Variants in NR2C2 observed in about 807,000 individuals in gnomAD.
NR2C2 encodes nuclear receptor subfamily 2 group C member 2.
NR2C2 carries 6 observed loss-of-function variants against 62.9 expected under a neutral mutation model. That is an observed-to-expected ratio of 0.10 (90% CI 0.05 to 0.19). The LOEUF (loss-of-function observed/expected upper bound fraction) is 0.19. Ranked by LOEUF, NR2C2 falls within the 10% of genes least tolerant of loss-of-function variation. The pLI is 1.00. For missense variants in NR2C2, 479 were observed against 762.7 expected, an observed-to-expected ratio of 0.63 and a Z score of 4.38; for synonymous variants, 272 against 273.8, an observed-to-expected ratio of 0.99 and a Z score of 0.07.
In NR2C2 at chr3:15,024,807, G is replaced by A. The variant is rs145958964; in HGVS notation, c.798+599G>A. On this transcript the variant is annotated intron_variant, in intron 7 of 13. Coordinates refer to ENST00000425241, the MANE Select transcript of NR2C2 (RefSeq NM_001291694.2). The stretch of plus-strand genomic sequence containing the variant: ...CTGATGTAAACCAAGTAATGAGGAA[G>A]TAGTAGCAGCAAGCCACAACTCTAA... Among the ~76,000 whole-genome samples, 55 of 152,352 alleles carry A rather than the reference G, an allele frequency of 3.6e-4. No individual in the cohort carries two copies. In the East Asian group the frequency reaches 7.3e-3, roughly 20 times the overall value.
intron 1 of NR2C2, among the ~76,000 whole-genome samples, chr3:14,989,037 T>C (rs940219195): frequency 2.0e-5 from 3 of 152,208 alleles, no homozygotes; most frequent in Non-Finnish European, 4.4e-5. Flanking sequence ...TTTTTGCTGA[T>C]TGGTCAGCAT....
At chr3:14,968,325 GACATGAACAGACACTTCTCAA>G (rs2039925767) in intron 1 of NR2C2, among the ~76,000 whole-genome samples, 1 of 152,088 alleles carries the variant, frequency 6.6e-6, no homozygotes, top group Non-Finnish European at 1.5e-5. Flanking sequence ...GTGGGCAAAG[GACATGAACAGACACTTCTCAA>G]AAGAAGACAT....
intron 1 of NR2C2, among the ~76,000 whole-genome samples, chr3:14,975,349 GGTTTTCATATGTGACCTTTATTAT>G (rs2040173535): frequency 1.3e-5 from 2 of 152,158 alleles, no homozygotes; most frequent in South Asian, 2.1e-4. Flanking sequence ...TGAAACAGGT[GGTTTTCATATGTGACCTTTATTAT>G]GTTGAGGTAA....
intron 1 of NR2C2, among the ~76,000 whole-genome samples, chr3:15,000,815 T>TA (rs1491248456): frequency 1.8e-5 from 1 of 56,848 alleles, no homozygotes; most frequent in African/African-American, 7.3e-5. Flanking sequence ...TTTATTTAGG[T>TA]TTTTTTTTTT....
intron 1 of NR2C2, among the ~76,000 whole-genome samples, chr3:14,971,314 C>T (rs1368720238): frequency 6.6e-6 from 1 of 151,504 alleles, no homozygotes; most frequent in East Asian, 1.9e-4. Flanking sequence ...GATGGGGTTT[C>T]ACCATGTTGG....
chr3:14,970,756 A>G (rs181873412), intron 1 of NR2C2, among the ~76,000 whole-genome samples: 14 of 152,206 alleles, frequency 9.2e-5, no homozygotes, highest in African/African-American at 3.1e-4. Flanking sequence ...GGTTGCTTCA[A>G]CCTCTTGGCT....
At chr3:14,964,262 TTTAAGATTA>T (rs1366039142) in intron 1 of NR2C2, among the ~76,000 whole-genome samples, 3 of 152,210 alleles carry the variant, frequency 2.0e-5, no homozygotes, top group African/African-American at 7.2e-5. Flanking sequence ...TATACATACT[TTTAAGATTA>T]AAGACTAATA....
intron 1 of NR2C2, among the ~76,000 whole-genome samples, chr3:14,987,192 C>T (rs1379962641): frequency 2.6e-5 from 4 of 152,206 alleles, no homozygotes; most frequent in African/African-American, 9.6e-5. Flanking sequence ...AAGCAATCCT[C>T]CCACCTCAGC....
At chr3:14,959,473 GTTTCTC>G (rs2039628616) in intron 1 of NR2C2, 1 of 152,106 alleles carries the variant, frequency 6.6e-6, no homozygotes, top group African/African-American at 2.4e-5. Flanking sequence ...CTTTAACATA[GTTTCTC>G]TTTCAATTTC....
At chr3:14,970,694 A>T (rs2040010747) in intron 1 of NR2C2, among the ~76,000 whole-genome samples, 1 of 152,178 alleles carries the variant, frequency 6.6e-6, no homozygotes, top group African/African-American at 2.4e-5. Flanking sequence ...TTTAAGACTA[A>T]TATTCTACTT....
At chr3:15,017,719 G>C (rs1039942217) in intron 4 of NR2C2, among the ~76,000 whole-genome samples, 2 of 152,078 alleles carry the variant, frequency 1.3e-5, no homozygotes, top group Non-Finnish European at 2.9e-5. Flanking sequence ...ATTATAGAAG[G>C]CACTTTACCA....
rs955590825 is a variant in NR2C2 at position 15,047,436 on chromosome 3, T to A, written c.*4428T>A. ...AATATCCAAAACTAAGTGGGAATTT[T>A]TAACCTTTTCATGCACCTATTCATG... On this transcript the variant is annotated 3_prime_UTR_variant, in exon 14 of 14. Coordinates refer to ENST00000425241, the MANE Select transcript of NR2C2 (RefSeq NM_001291694.2). 4 of 152,222 alleles carry A rather than the reference T, an allele frequency of 2.6e-5. No individual in the cohort carries two copies. The highest frequency in any genetic ancestry group is 9.6e-5 in the African/African-American group (4 of 41,452). 9.4% of individuals were successfully genotyped at this position (152,222 alleles called of 1,614,324 possible).
At chr3:15,036,388 T>C (rs2042103712) in intron 11 of NR2C2, among the ~76,000 whole-genome samples, 1 of 152,212 alleles carries the variant, frequency 6.6e-6, no homozygotes, top group Non-Finnish European at 1.5e-5. Flanking sequence ...AGTCTCTCCA[T>C]GTGTAGCATG....
chr3:15,030,142 T>C, intron 8 of NR2C2, 133 bp from the exon 9 acceptor site: 4 of 779,832 alleles, frequency 5.1e-6, no homozygotes, highest in Non-Finnish European at 8.0e-6. Flanking sequence ...CTGGCCAACA[T>C]AGTGAAACCC....
chr3:15,023,460 G>A (rs964394236), intron 6 of NR2C2, 113 bp downstream of exon 6: 19 of 1,228,806 alleles, frequency 1.5e-5, no homozygotes, highest in East Asian at 7.0e-5. Flanking sequence ...AGCCTCCAGC[G>A]TTGTGTTGCC....
chr3:14,984,869 A>G (rs1341485349), intron 1 of NR2C2, among the ~76,000 whole-genome samples: 2 of 152,122 alleles, frequency 1.3e-5, no homozygotes, highest in East Asian at 1.9e-4. Context: ...TTGTTTTCCA[A>G]AGTCATTGTA....
rs1456454752 is a variant in NR2C2, at chr3:15,048,558, T to G, written c.*5550T>G. ...TTATTGATTGATAGACTGTTAAAAT[T>G]TAATGTTTGGAATAACATTTGGAAG... is the stretch of plus-strand genomic sequence containing the variant. On this transcript the variant is annotated 3_prime_UTR_variant, in exon 14 of 14. Coordinates refer to ENST00000425241, the MANE Select transcript of NR2C2 (RefSeq NM_001291694.2). 2 of 152,658 alleles carry G rather than the reference T, an allele frequency of 1.3e-5. No homozygotes were observed. The highest frequency in any genetic ancestry group is 6.5e-5 in the Admixed American group (1 of 15,276). The allele number at this position is 152,658 out of a possible 1,614,324, so 9.5% of individuals were successfully genotyped here. A position where few individuals can be genotyped will look rare whatever the true frequency, so the allele number is the denominator to read the frequency against.
intron 1 of NR2C2, among the ~76,000 whole-genome samples, chr3:14,970,691 C>T (rs1377806497): frequency 6.6e-6 from 1 of 152,190 alleles, no homozygotes; most frequent in Non-Finnish European, 1.5e-5. Context: ...CTTTTTAAGA[C>T]TAATATTCTA....
chr3:15,004,046 A>T, intron 2 of NR2C2, 60 bp downstream of exon 2: 2 of 1,412,964 alleles, frequency 1.4e-6, no homozygotes, highest in Non-Finnish European at 2.0e-6. Flanking sequence ...CCAAAAACAA[A>T]CCTTCCTAAG....
Sources: gnomAD v4.1 joint callset for allele counts (sites outside exome capture counted in the v4.1 genomes callset) on GRCh38, gnomAD v4.1.1 for gene constraint, MANE v1.5 for transcripts, NCBI Gene and HGNC (gene_info 2026-07-23, HGNC 2026-07-21) for gene names.